Variants in SHANK2 observed in about 807,000 individuals in gnomAD.
The protein encoded by SHANK2 is SH3 and multiple ankyrin repeat domains protein 2.
SHANK2 carries 43 observed loss-of-function variants against 133.7 expected under a neutral mutation model. That is an observed-to-expected ratio of 0.32 (90% CI 0.25 to 0.41). The LOEUF is 0.41. SHANK2 is among the 10% of genes least tolerant of loss of function. SHANK2 has a pLI of 1.00. For missense variants in SHANK2, 1,994 were observed against 2,235.8 expected (o/e 0.89, Z 2.18); for synonymous variants, 1,017 against 952.8 (o/e 1.07, Z -1.24).
intron 17 of SHANK2, among the ~76,000 whole-genome samples, chr11:70,513,917 T>C (rs2059235955): frequency 6.6e-6 from 1 of 151,990 alleles, no homozygotes; most frequent in African/African-American, 2.4e-5. Context: ...GGGGGAAAAT[T>C]AGAGTCAAAG....
At chr11:71,073,147 C>CTTTTTTTTGTTTTTTTTTTTTTTTTTTTT (rs1156355131) in intron 9 of SHANK2, among the ~76,000 whole-genome samples, 1 of 62,716 alleles carries the variant, frequency 1.6e-5, no homozygotes, top group African/African-American at 4.2e-5. Context: ...TTTTTCTTTT[C>CTTTTTTTTGTTTTTTTTTTTTTTTTTTTT]TTTTTTTTCT....
intron 17 of SHANK2, among the ~76,000 whole-genome samples, chr11:70,642,387 G>C (rs2134162704): frequency 6.6e-6 from 1 of 152,354 alleles, no homozygotes; most frequent in East Asian, 1.9e-4. Flanking sequence ...CAATGTCCTA[G>C]CTAACAAACC....
At chr11:70,768,732 T>C (rs1275685508) in intron 14 of SHANK2, among the ~76,000 whole-genome samples, 2 of 152,116 alleles carry the variant, frequency 1.3e-5, no homozygotes, top group Non-Finnish European at 2.9e-5. Context: ...CCTCAGGCCA[T>C]GGGGAGCCTG....
chr11:70,688,179 T>G (rs1555020130), intron 15 of SHANK2, among the ~76,000 whole-genome samples: 1 of 152,154 alleles, frequency 6.6e-6, no homozygotes, highest in Non-Finnish European at 1.5e-5. Flanking sequence ...CCAGCCCCAA[T>G]GCAGAACAGT....
At position 71,110,137 on chromosome 11, in the gene SHANK2, T is replaced by C. The variant is rs113057788; in HGVS notation, c.484-88A>G. ...AGTGAGACCCCGTCTCTACAAAAAA[T>C]AGAAAAATTAGCCAGACATGGCTGC... On this transcript the variant is annotated intron_variant, in intron 5 of 25. Coordinates refer to ENST00000601538, the MANE Select transcript of SHANK2 (RefSeq NM_012309.5). The C allele has an allele frequency of 2.8e-3, 2,795 of 1,013,224 alleles. 48 individuals carry two copies. In the African/African-American group the frequency reaches 0.039, roughly 14 times the overall value. The allele number at this position is 1,013,224 out of a possible 1,614,324, so 62.8% of individuals were successfully genotyped here.
At position 70,487,377 on chromosome 11, in the gene SHANK2, G is replaced by A. The variant is rs782465602; in HGVS notation, c.2916C>T (p.Gly972=). ...DSEDLYSRNA[G]PQANFRNKRG... is the part of the protein sequence containing the mutation. ...TCTTGTTGCGGAAGTTGGCTTGCGG[G>A]CCGGCATTCCGACTGTAGAGGTCTT... The change falls in exon 25 of 26, where the codon GGC becomes GGT. Residue 972 remains glycine, a synonymous_variant. Coordinates refer to ENST00000601538, the MANE Select transcript of SHANK2 (RefSeq NM_012309.5). The surrounding 1 kb of genome is among the most constrained non-coding windows in gnomAD (Gnocchi z 5.8). 25 of 1,614,022 alleles carry A rather than the reference G, an allele frequency of 1.5e-5. No homozygotes were observed. The Admixed American group carries it at 4.0e-4, about 26-fold the overall frequency.
chr11:70,718,875 C>A (rs1461410320), intron 14 of SHANK2, among the ~76,000 whole-genome samples: 1 of 152,098 alleles, frequency 6.6e-6, no homozygotes, highest in Non-Finnish European at 1.5e-5. Flanking sequence ...AGGGAGGCAG[C>A]CTGGACTGAA....
chr11:70,744,487 C>G (rs782482839), intron 14 of SHANK2, among the ~76,000 whole-genome samples: 5 of 152,190 alleles, frequency 3.3e-5, no homozygotes. Flanking sequence ...GATCTGCCTA[C>G]GGGAGGAATG....
intron 1 of SHANK2, among the ~76,000 whole-genome samples, chr11:71,232,663 A>G (rs1954763349): frequency 6.6e-6 from 1 of 152,128 alleles, no homozygotes; most frequent in South Asian, 2.1e-4. Flanking sequence ...TCTCTTCTTT[A>G]TGATTCTCTT....
At chr11:70,916,040 C>A (rs1034860102) in intron 10 of SHANK2, among the ~76,000 whole-genome samples, 4 of 152,130 alleles carry the variant, frequency 2.6e-5, no homozygotes, top group Non-Finnish European at 2.9e-5. Context: ...TTTTTGGGAG[C>A]CAGACATGTC....
chr11:70,926,252 C>CA (rs1163625028), intron 10 of SHANK2, among the ~76,000 whole-genome samples: 23 of 151,956 alleles, frequency 1.5e-4, no homozygotes, highest in African/African-American at 4.8e-4. Flanking sequence ...TACAAAATAC[C>CA]AAACAAAAAT....
At chr11:70,677,696 C>T (rs932396823) in intron 15 of SHANK2, among the ~76,000 whole-genome samples, 8 of 152,198 alleles carry the variant, frequency 5.3e-5, no homozygotes, top group Non-Finnish European at 1.2e-4. Flanking sequence ...AGGTCCAACA[C>T]AGCACGTCCC....
intron 8 of SHANK2, among the ~76,000 whole-genome samples, chr11:71,091,189 A>G (rs1951512627): frequency 6.6e-6 from 1 of 152,190 alleles, no homozygotes; most frequent in Non-Finnish European, 1.5e-5. Context: ...AAGACCAGTC[A>G]TTACTGCTTC....
intron 2 of SHANK2, among the ~76,000 whole-genome samples, chr11:71,182,078 T>G (rs1555113874): frequency 6.6e-6 from 1 of 151,958 alleles, no homozygotes; most frequent in East Asian, 1.9e-4. Context: ...GGAACAGAAA[T>G]CTGCTTCCCA....
intron 3 of SHANK2, among the ~76,000 whole-genome samples, chr11:71,140,293 G>A (rs560032266): frequency 2.0e-5 from 3 of 152,350 alleles, no homozygotes; most frequent in Admixed American, 2.0e-4. Context: ...AGAGGCCCTG[G>A]CTTTCACGAG....
intron 17 of SHANK2, among the ~76,000 whole-genome samples, chr11:70,577,476 C>T (rs1554984529): frequency 6.6e-6 from 1 of 152,222 alleles, no homozygotes; most frequent in African/African-American, 2.4e-5. Flanking sequence ...GGACCAAAAG[C>T]CACAGGCGGG....
chr11:70,473,109 T>C lies in SHANK2; in HGVS notation c.5310A>G (p.Gln1770=). Residue 1770 remains glutamine (Q), a synonymous_variant, in exon 26 of 26, where the codon CAA becomes CAG. Transcript: ENST00000601538. This position sits in a 1 kb window ranked among gnomAD's most constrained non-coding sequence, Gnocchi z 5.9. The stretch of plus-strand genomic sequence containing the variant: ...TAAAAGGCTTATTTGAGATTGGCTG[T>C]TGCAGTATCGAGGGGGATGGCGACC... ...RSRSPSPSIL[Q]QPISNKPFTT... 1.2e-6 allele frequency: 2 copies of C among 1,613,794 alleles called. No homozygotes were observed. Among genetic ancestry groups the C allele is most frequent in the Non-Finnish European group, 1.7e-6 (2 of 1,180,006 alleles).
Position 70,511,255 on chromosome 11 carries a change from C to A in SHANK2, c.2062-8324G>T, listed in dbSNP as rs576165402. On this transcript the variant is annotated intron_variant, in intron 17 of 25. Transcript: ENST00000601538. The stretch of plus-strand genomic sequence containing the variant: ...CGCAACAAGGCAGGACTGGATACTT[C>A]AGTTACATTTCCCTACCCAGTTCAG... Among the ~76,000 whole-genome samples the A allele has an allele frequency of 2.6e-5, 4 of 152,200 alleles. No homozygotes were observed. In the South Asian group the frequency reaches 8.3e-4, roughly 31 times the overall value.
At chr11:71,244,594 T>C (rs1176065585) in intron 1 of SHANK2, among the ~76,000 whole-genome samples, 2 of 152,198 alleles carry the variant, frequency 1.3e-5, no homozygotes, top group African/African-American at 2.4e-5. Context: ...ACTTGTGATA[T>C]TGCAACAAGC....
Sources: allele counts gnomAD v4.1 joint callset (sites outside exome capture counted in the v4.1 genomes callset), GRCh38; gene constraint gnomAD v4.1.1; non-coding constraint Gnocchi (gnomAD v3.1); transcripts MANE v1.5; gene names NCBI Gene and HGNC (gene_info 2026-07-23, HGNC 2026-07-21).